PCDHGB5: variants seen among roughly 807,000 people sequenced by gnomAD.
The protein encoded by PCDHGB5 is protocadherin gamma subfamily B, 5.
In PCDHGB5, 48 loss-of-function variants were observed where a neutral mutation model predicts 62.9. The ratio of observed to expected loss-of-function variants is 0.76; its 90% CI spans 0.61 to 0.97. PCDHGB5 has a LOEUF of 0.97. Ranked by LOEUF, PCDHGB5 falls within the 50% of genes least tolerant of loss-of-function variation. PCDHGB5 has a pLI of 0.00. For synonymous variants in PCDHGB5, 474 were observed against 511.2 expected (o/e 0.93, Z 0.98); for missense variants, 1,118 against 1,198.6 (o/e 0.93, Z 0.99).
rs201160783 is a variant in PCDHGB5, at chr5:141,418,846, A to G, written c.2397+18322A>G. The G allele has an allele frequency of 7.4e-5, 120 of 1,613,976 alleles. No homozygotes were observed. In the East Asian group the frequency reaches 2.6e-3, roughly 34 times the overall value. On this transcript the variant is annotated intron_variant, in intron 1 of 3. Transcript: ENST00000617380. Reference sequence around the variant, plus strand: ...CAAAAGACCGAGGATCTCTCTCAACACGGTGTAAAGTAATTGTAGAAGTTG... The same window carrying G: ...CAAAAGACCGAGGATCTCTCTCAACGCGGTGTAAAGTAATTGTAGAAGTTG...
chr5:141,491,254 G>A lies in PCDHGB5; in HGVS notation c.2398-3553G>A, dbSNP rs746242389. ...GCTGGTTCTGGAGGATGAGGACCCT[G>A]AGGAAATGCCCAAATCCAGTGACTT... is the stretch of plus-strand genomic sequence containing the variant. On this transcript the variant is annotated intron_variant, in intron 1 of 3. Coordinates refer to ENST00000617380, the MANE Select transcript of PCDHGB5 (RefSeq NM_018925.3). This position sits in a 1 kb window ranked among gnomAD's most constrained non-coding sequence, Gnocchi z 6.9. 24 of 1,614,198 alleles carry A rather than the reference G, an allele frequency of 1.5e-5. No individual in the cohort carries two copies. The highest frequency in any genetic ancestry group is 2.0e-5 in the Non-Finnish European group (24 of 1,180,018).
At chr5:141,438,635 TACAC>T (rs56854727) in intron 1 of PCDHGB5, among the ~76,000 whole-genome samples, 720 of 33,094 alleles carry the variant, frequency 0.022, 7 homozygotes, top group Middle Eastern at 0.05. Context: ...TATATATATA[TACAC>T]ACACACACAC....
At position 141,469,759 on chromosome 5, in the gene PCDHGB5, T is replaced by C. The variant is rs192437401; in HGVS notation, c.2398-25048T>C. On this transcript the variant is annotated intron_variant, in intron 1 of 3. Coordinates refer to ENST00000617380, the MANE Select transcript of PCDHGB5 (RefSeq NM_018925.3). ...ACCTCAAAAATTACAAAAATACATATATACCAGCTTATTTATTACAGCGTT... is the reference window on the plus strand; with the variant it reads ...ACCTCAAAAATTACAAAAATACATACATACCAGCTTATTTATTACAGCGTT... 3.9e-3 allele frequency among the ~76,000 whole-genome samples: 591 copies of C among 152,310 alleles called. 6 individuals are homozygous for C. Among genetic ancestry groups the C allele is most frequent in the Admixed American group, 0.011 (171 of 15,298 alleles).
rs2099745664 is a variant in PCDHGB5 at position 141,493,015 on chromosome 5, T to A, written c.2398-1792T>A. Among the ~76,000 whole-genome samples, 1 of 152,238 alleles carries A rather than the reference T, an allele frequency of 6.6e-6. No homozygotes were observed. The highest frequency in any genetic ancestry group is 1.5e-5 in the Non-Finnish European group (1 of 68,040). ...ATGGAAAGCTATAGGCTCTGCCAGA[T>A]GCCAGGGTGCCCTTATGTGTGAGGA... On this transcript the variant is annotated intron_variant, in intron 1 of 3. Transcript: ENST00000617380. The surrounding 1 kb of genome is among the most constrained non-coding windows in gnomAD (Gnocchi z 4.3).
At chr5:141,470,511 A>T (rs1043414941) in intron 1 of PCDHGB5, among the ~76,000 whole-genome samples, 37 of 152,198 alleles carry the variant, frequency 2.4e-4, no homozygotes, top group African/African-American at 8.7e-4. Flanking sequence ...TTAGACAGTT[A>T]GCTAATATTA....
In PCDHGB5 at chr5:141,455,477, C is replaced by T. The variant is rs557286491; in HGVS notation, c.2398-39330C>T. On this transcript the variant is annotated intron_variant, in intron 1 of 3. Coordinates refer to ENST00000617380, the MANE Select transcript of PCDHGB5 (RefSeq NM_018925.3). ...TACCAGCCAGGTATATATGCAGAGG[C>T]TGGTGGAGGTGATGTCTGATTTGCA... Among the ~76,000 whole-genome samples the T allele has an allele frequency of 1.2e-4, 18 of 152,252 alleles. No homozygotes were observed. The South Asian group carries it at 3.7e-3, about 32-fold the overall frequency.
At position 141,432,273 on chromosome 5, in the gene PCDHGB5, T is replaced by G. The variant is rs199937628; in HGVS notation, c.2397+31749T>G. 6.8e-6 allele frequency: 11 copies of G among 1,614,238 alleles called. No individual in the cohort carries two copies. In the Admixed American group the frequency reaches 1.7e-4, roughly 24 times the overall value. ...CAAGGGGCAAGCCTATCGTCCTACG[T>G]GTCCATCAACTCCGACACTGGGGTA... On this transcript the variant is annotated intron_variant, in intron 1 of 3. Coordinates refer to ENST00000617380, the MANE Select transcript of PCDHGB5 (RefSeq NM_018925.3). This position sits in a 1 kb window ranked among gnomAD's most constrained non-coding sequence, Gnocchi z 6.0.
intron 1 of PCDHGB5, chr5:141,419,639 G>A (rs1478835703): frequency 6.2e-7 from 1 of 1,612,442 alleles, no homozygotes; most frequent in African/African-American, 1.3e-5. Flanking sequence ...GGTGGTGGCC[G>A]TGGACGCGGA....
At position 141,398,831 on chromosome 5, in the gene PCDHGB5, C is replaced by T; in HGVS notation, c.704C>T (p.Ala235Val). Residue 235 changes from alanine to valine, a missense_variant, in exon 1 of 4, where the codon GCC (alanine) becomes GTC (valine). By Grantham distance (64) the Ala-to-Val change is moderately conservative. Around this residue, in one of 2 missense-constraint regions of PCDHGB5, gnomAD observed 1,034 missense variants for 1,029.1 expected, o/e 1.00. Transcript: ENST00000617380. The stretch of plus-strand genomic sequence containing the variant: ...GAGCTCCGGATCCAGGTAACCGACG[C>T]CAATGATAATCCCCCGGTATTCAAC... Reference protein sequence around the residue: ...TTELRIQVTDANDNPPVFNRD... With the variant: ...TTELRIQVTDVNDNPPVFNRD... The T allele has an allele frequency of 6.2e-7, 1 of 1,614,014 alleles. No homozygotes were observed. The highest frequency in any genetic ancestry group is 1.1e-5 in the South Asian group (1 of 91,080).
At chr5:141,418,449 A>C in intron 1 of PCDHGB5, 1 of 1,614,040 alleles carries the variant, frequency 6.2e-7, no homozygotes, top group Non-Finnish European at 8.5e-7. Context: ...TTAGTATTGC[A>C]GAAGACTCTG....
chr5:141,512,241 G>A lies in PCDHGB5; in HGVS notation c.*1068G>A, dbSNP rs533051658. On this transcript the variant is annotated 3_prime_UTR_variant, in exon 4 of 4. Coordinates refer to ENST00000617380, the MANE Select transcript of PCDHGB5 (RefSeq NM_018925.3). ...CCAGGTCCCCTTGAGAGGTCAGAGGGGCCTCTGTGGGTGCTGGGTACTCCA... is the reference window on the plus strand; with the variant it reads ...CCAGGTCCCCTTGAGAGGTCAGAGGAGCCTCTGTGGGTGCTGGGTACTCCA... 1 of 152,866 alleles carries A rather than the reference G, an allele frequency of 6.5e-6. No individual in the cohort carries two copies. The highest frequency in any genetic ancestry group is 2.1e-4 in the South Asian group (1 of 4,824). 9.5% of individuals were successfully genotyped at this position (152,866 alleles called of 1,614,324 possible).
chr5:141,419,769 C>T (rs773303779), intron 1 of PCDHGB5: 6 of 1,613,888 alleles, frequency 3.7e-6, no homozygotes, highest in Non-Finnish European at 4.2e-6. Context: ...GACAAGGACT[C>T]GGTCCGCCAG....
At chr5:141,406,448 A>G (rs149183502) in intron 1 of PCDHGB5, among the ~76,000 whole-genome samples, 1 of 152,348 alleles carries the variant, frequency 6.6e-6, no homozygotes, top group African/African-American at 2.4e-5. Context: ...TTCCATTTCT[A>G]TGACAGGAAA....
intron 1 of PCDHGB5, chr5:141,413,489 G>A (rs937434384): frequency 1.9e-6 from 3 of 1,614,036 alleles, no homozygotes; most frequent in Admixed American, 1.7e-5. Context: ...CAGAGCGCGC[G>A]GTGCGTGGTG....
At position 141,427,408 on chromosome 5, in the gene PCDHGB5, G is replaced by C. The variant is rs975709597; in HGVS notation, c.2397+26884G>C. ...TTCAAAACACATGATAAAGATTCGA[G>C]AGAAAATGGGGAGGTTACATGCCTC... On this transcript the variant is annotated intron_variant, in intron 1 of 3. Coordinates refer to ENST00000617380, the MANE Select transcript of PCDHGB5 (RefSeq NM_018925.3). The C allele has an allele frequency of 1.3e-5, 6 of 463,300 alleles. No homozygotes were observed. In the Admixed American group the frequency reaches 1.4e-4, roughly 11 times the overall value. The allele number at this position is 463,300 out of a possible 1,614,324, so 28.7% of individuals were successfully genotyped here. A position where few individuals can be genotyped will look rare whatever the true frequency, so the allele number is the denominator to read the frequency against.
At chr5:141,500,914 G>T (rs1237339394) in intron 2 of PCDHGB5, among the ~76,000 whole-genome samples, 2 of 151,130 alleles carry the variant, frequency 1.3e-5, no homozygotes, top group Non-Finnish European at 2.9e-5. Flanking sequence ...CTGTCTCCAG[G>T]CTGGGGTGCA....
rs770619389 is a variant in PCDHGB5 at position 141,490,764 on chromosome 5, T to C, written c.2398-4043T>C. On this transcript the variant is annotated intron_variant, in intron 1 of 3. Coordinates refer to ENST00000617380, the MANE Select transcript of PCDHGB5 (RefSeq NM_018925.3). The surrounding 1 kb of genome is among the most constrained non-coding windows in gnomAD (Gnocchi z 5.4). ...GAGCCCCAGCCTCCTCCTTTGTGTA[T>C]GTCAACCCAGAGGATGGACGGATCT... is the stretch of plus-strand genomic sequence containing the variant. 22 of 1,613,970 alleles carry C rather than the reference T, an allele frequency of 1.4e-5. No individual in the cohort carries two copies. Among genetic ancestry groups the C allele is most frequent in the Non-Finnish European group, 1.6e-5 (19 of 1,179,928 alleles).
At chr5:141,417,302 G>A (rs1267397415) in intron 1 of PCDHGB5, 1 of 152,270 alleles carries the variant, frequency 6.6e-6, no homozygotes, top group Non-Finnish European at 1.5e-5. Context: ...GCCTCTGGAT[G>A]GAGGAATTGG....
chr5:141,419,993 G>T (rs754254084), intron 1 of PCDHGB5: 5 of 1,614,056 alleles, frequency 3.1e-6, no homozygotes, highest in Middle Eastern at 1.6e-4. Context: ...TCTAGCTATT[G>T]CTCTACGCCT....
Sources: allele counts gnomAD v4.1 joint callset (sites outside exome capture counted in the v4.1 genomes callset), GRCh38; gene constraint gnomAD v4.1.1; regional missense constraint gnomAD v4.1.1; non-coding constraint Gnocchi (gnomAD v3.1); transcripts MANE v1.5; gene names NCBI Gene and HGNC (gene_info 2026-07-23, HGNC 2026-07-21).